The following IL1R1 variants were observed in gnomAD, a reference collection of about 807,000 sequenced individuals.
The protein encoded by IL1R1 is interleukin 1 receptor type 1.
In IL1R1, 22 loss-of-function variants were observed where a neutral mutation model predicts 50.2. That is an observed-to-expected ratio of 0.44 (90% confidence interval 0.31 to 0.63). IL1R1 has a LOEUF of 0.63. IL1R1 is among the 20% of genes least tolerant of loss of function. The pLI, the probability that IL1R1 is intolerant of heterozygous loss-of-function variation, is 0.07. For synonymous variants in IL1R1, 251 were observed against 236.7 expected (o/e 1.06, Z -0.55); for missense variants, 509 against 676.2 (o/e 0.75, Z 2.74).
chr2:102,167,662 A>T (rs1249266206), intron 6 of IL1R1, among the ~76,000 whole-genome samples: 1 of 151,542 alleles, frequency 6.6e-6, no homozygotes, highest in Non-Finnish European at 1.5e-5. Context: ...GTTAGCCAGG[A>T]TGGTCTCGAT....
At chr2:102,123,777 TAATAAAATAAAATAA>T (rs57287555) in intron 1 of IL1R1, among the ~76,000 whole-genome samples, 35 of 149,062 alleles carry the variant, frequency 2.3e-4, no homozygotes, top group East Asian at 8.0e-4. Context: ...GACTGTGTCT[TAATAAAATAAAATAA>T]AATAAAATAA....
At chr2:102,122,018 T>C (rs563258159) in intron 1 of IL1R1, among the ~76,000 whole-genome samples, 140 of 152,332 alleles carry the variant, frequency 9.2e-4, no homozygotes, top group African/African-American at 3.0e-3. Context: ...GATATACGTT[T>C]GTTTCATACA....
intron 1 of IL1R1, among the ~76,000 whole-genome samples, chr2:102,152,379 C>T (rs1267899065): frequency 1.3e-5 from 2 of 151,538 alleles, no homozygotes; most frequent in Non-Finnish European, 2.9e-5. Context: ...GTGGCAGGCA[C>T]CTGTAGTCCC....
At chr2:102,131,601 G>T (rs1460136486) in intron 1 of IL1R1, among the ~76,000 whole-genome samples, 1 of 151,744 alleles carries the variant, frequency 6.6e-6, no homozygotes, top group Admixed American at 6.6e-5. Context: ...ATTAGATATT[G>T]CAGAAGAATA....
intron 1 of IL1R1, among the ~76,000 whole-genome samples, chr2:102,132,636 T>C (rs1682101327): frequency 6.6e-6 from 1 of 152,106 alleles, no homozygotes; most frequent in Admixed American, 6.5e-5. Flanking sequence ...AGGACATCAA[T>C]GACACCAAAG....
intron 1 of IL1R1, among the ~76,000 whole-genome samples, chr2:102,120,416 C>T (rs763881060): frequency 1.3e-5 from 2 of 152,026 alleles, no homozygotes; most frequent in African/African-American, 2.4e-5. Context: ...TGTGCACGTG[C>T]CAAGTACCTG....
intron 5 of IL1R1, among the ~76,000 whole-genome samples, 166 bp downstream of exon 5, chr2:102,165,470 A>C (rs932444255): frequency 6.6e-5 from 10 of 152,194 alleles, no homozygotes; most frequent in African/African-American, 2.4e-4. Context: ...CATTCACTTA[A>C]TTTGAAGCTT....
chr2:102,085,929 T>C (rs1679412218), intron 1 of IL1R1, among the ~76,000 whole-genome samples: 1 of 151,652 alleles, frequency 6.6e-6, no homozygotes, highest in Admixed American at 6.6e-5. Flanking sequence ...TACATGTTTT[T>C]CATATTTTCA....
In IL1R1 at chr2:102,078,888, G is replaced by A. The variant is rs116557155; in HGVS notation, c.-84+8355G>A. Among the ~76,000 whole-genome samples, 813 of 152,210 alleles carry A rather than the reference G, an allele frequency of 5.3e-3. 5 individuals carry two copies. The highest frequency in any genetic ancestry group is 6.4e-3 in the Non-Finnish European group (438 of 67,988). On this transcript the variant is annotated intron_variant, in intron 1 of 11. Transcript: ENST00000409929. ...TAGAGCAGCTATAAAAGAATCATAT[G>A]CCATGACCAAGTGGGATTTATCCTA...
upstream of IL1R1, among the ~76,000 whole-genome samples, chr2:102,140,898 G>T (rs1198582444): frequency 2.0e-5 from 3 of 152,134 alleles, no homozygotes; most frequent in Non-Finnish European, 2.9e-5. Flanking sequence ...GTCCCACCTG[G>T]GTCTAGAGGC....
intron 1 of IL1R1, among the ~76,000 whole-genome samples, chr2:102,072,299 C>T (rs1456072543): frequency 6.6e-6 from 1 of 151,270 alleles, no homozygotes. Context: ...GTACACTTTA[C>T]ATATAGCACT....
chr2:102,075,454 TA>T (rs149484578), intron 1 of IL1R1, among the ~76,000 whole-genome samples: 3,210 of 152,196 alleles, frequency 0.021, 123 homozygotes, highest in African/African-American at 0.072. Flanking sequence ...AGAACACAGT[TA>T]AAAGAGAAAT....
At chr2:102,099,116 G>C (rs1209067765) in intron 1 of IL1R1, among the ~76,000 whole-genome samples, 1 of 152,162 alleles carries the variant, frequency 6.6e-6, no homozygotes, top group Admixed American at 6.5e-5. Flanking sequence ...GAGGCATTGT[G>C]ATAGAGTAAA....
At chr2:102,145,502 T>A (rs1683041698) in intron 1 of IL1R1, among the ~76,000 whole-genome samples, 1 of 152,174 alleles carries the variant, frequency 6.6e-6, no homozygotes, top group African/African-American at 2.4e-5. Flanking sequence ...CTCCTCTTCA[T>A]GCACATCCAG....
At position 102,168,373 on chromosome 2, in the gene IL1R1, A is replaced by G. The variant is rs3917296; in HGVS notation, c.656-225A>G. 0.072 allele frequency among the ~76,000 whole-genome samples: 10,952 copies of G among 152,174 alleles called. 503 individuals carry two copies. The highest frequency in any genetic ancestry group is 0.18 in the East Asian group (926 of 5,180). ...GTGTTTTTCAGTAGCACCCCACTCT[A>G]TGAATTCGGAAGGTCTAGCTCTACC... On this transcript the variant is annotated intron_variant, in intron 6 of 11. Coordinates refer to ENST00000410023, the MANE Select transcript of IL1R1 (RefSeq NM_000877.4).
At chr2:102,119,891 G>A (rs182706968) in intron 1 of IL1R1, among the ~76,000 whole-genome samples, 1 of 152,162 alleles carries the variant, frequency 6.6e-6, no homozygotes, top group East Asian at 1.9e-4. Flanking sequence ...TGTCCATTAG[G>A]CCCTTCAGAA....
At chr2:102,083,854 G>A (rs1026361835) in intron 1 of IL1R1, among the ~76,000 whole-genome samples, 7 of 151,900 alleles carry the variant, frequency 4.6e-5, no homozygotes, top group African/African-American at 1.7e-4. Flanking sequence ...TGAGGCAGGA[G>A]AATTGCTTGA....
At chr2:102,099,564 C>A (rs532719169), upstream of IL1R1, among the ~76,000 whole-genome samples, 14 of 152,220 alleles carry the variant, frequency 9.2e-5, no homozygotes, top group South Asian at 2.1e-3. Flanking sequence ...TGTGGGAGAG[C>A]CTAGCTGGTC....
chr2:102,173,234 T>C (rs943551937), intron 9 of IL1R1, among the ~76,000 whole-genome samples: 2 of 152,226 alleles, frequency 1.3e-5, no homozygotes, highest in African/African-American at 4.8e-5. Context: ...CCCAATGAAC[T>C]ACATTGATGA....
Sources: allele counts gnomAD v4.1 joint callset (sites outside exome capture counted in the v4.1 genomes callset), GRCh38; gene constraint gnomAD v4.1.1; transcripts MANE v1.5; gene names NCBI Gene and HGNC (gene_info 2026-07-23, HGNC 2026-07-21).